The following MED12L variants were observed in gnomAD, a reference collection of about 807,000 sequenced individuals.
MED12L encodes mediator of RNA polymerase II transcription subunit 12-like protein.
A neutral mutation model predicts 281.3 loss-of-function variants in MED12L; 60 were observed. The ratio of observed to expected loss-of-function variants is 0.21; its 90% confidence interval spans 0.17 to 0.26. The LOEUF is 0.26. Ranked by LOEUF, MED12L falls within the 10% of genes least tolerant of loss-of-function variation. The pLI, the probability that MED12L is intolerant of heterozygous loss-of-function variation, is 1.00. For synonymous variants in MED12L, 974 were observed against 987.2 expected, an observed-to-expected ratio of 0.99 and a Z score of 0.25; for missense variants, 2,146 against 2,680.9, an observed-to-expected ratio of 0.80 and a Z score of 4.41.
chr3:151,342,673 A>G (rs1752018323), intron 16 of MED12L, among the ~76,000 whole-genome samples: 1 of 152,190 alleles, frequency 6.6e-6, no homozygotes, highest in South Asian at 2.1e-4. Flanking sequence ...GACACATAAT[A>G]ATCCCCAAAT....
At chr3:151,116,859 G>A (rs1054937076) in intron 3 of MED12L, among the ~76,000 whole-genome samples, 3 of 152,174 alleles carry the variant, frequency 2.0e-5, no homozygotes, top group Non-Finnish European at 4.4e-5. Context: ...ATGCCAGTTT[G>A]CCCTACTATT....
At chr3:151,322,968 C>G (rs1577329431) in intron 16 of MED12L, among the ~76,000 whole-genome samples, 1 of 152,160 alleles carries the variant, frequency 6.6e-6, no homozygotes, top group Admixed American at 6.5e-5. Flanking sequence ...GACCCTAGCT[C>G]TTTCACTGAT....
At chr3:151,138,398 T>C (rs928083594) in intron 5 of MED12L, among the ~76,000 whole-genome samples, 15 of 152,226 alleles carry the variant, frequency 9.9e-5, no homozygotes, top group African/African-American at 3.6e-4. Flanking sequence ...TCTCCCATTA[T>C]TAACATTTTG....
chr3:151,097,229 C>A (rs186754801), intron 2 of MED12L, among the ~76,000 whole-genome samples: 296 of 152,258 alleles, frequency 1.9e-3, no homozygotes, highest in Non-Finnish European at 2.4e-3. Flanking sequence ...TGCCCAGTTC[C>A]CGGAAGCGAT....
chr3:151,204,855 T>A lies in MED12L; in HGVS notation c.2250+11189T>A, dbSNP rs1226022380. On this transcript the variant is annotated intron_variant, in intron 16 of 44. Transcript: ENST00000687756. Reference sequence around the variant, plus strand: ...ATATGTTTACTTCCTCGGTTCACTTTAAGGTTGTAGACACAATTGAAAAGT... The same window carrying A: ...ATATGTTTACTTCCTCGGTTCACTTAAAGGTTGTAGACACAATTGAAAAGT... 3.3e-5 allele frequency among the ~76,000 whole-genome samples: 5 copies of A among 152,332 alleles called. No homozygotes were observed. The East Asian group carries it at 9.6e-4, about 29-fold the overall frequency.
At chr3:151,223,227 T>G (rs1729768452) in intron 16 of MED12L, among the ~76,000 whole-genome samples, 1 of 81,030 alleles carries the variant, frequency 1.2e-5, no homozygotes. Context: ...AAGAGAACAC[T>G]TATGTACTCT....
At chr3:151,162,752 TA>T (rs1720165089) in intron 8 of MED12L, among the ~76,000 whole-genome samples, 2 of 152,192 alleles carry the variant, frequency 1.3e-5, no homozygotes, top group African/African-American at 4.8e-5. Context: ...TTTTTGTACT[TA>T]ATTTCATATT....
At chr3:151,400,739 C>T (rs1222950442) in intron 39 of MED12L, among the ~76,000 whole-genome samples, 1 of 152,126 alleles carries the variant, frequency 6.6e-6, no homozygotes, top group African/African-American at 2.4e-5. Flanking sequence ...GATCTCCCAC[C>T]CTAAGGAAAT....
At chr3:151,424,186 G>GA (rs201000165) in intron 43 of MED12L, among the ~76,000 whole-genome samples, 180 of 152,312 alleles carry the variant, frequency 1.2e-3, no homozygotes, top group African/African-American at 4.0e-3. Flanking sequence ...CATGAATTTG[G>GA]AAATTTTTTT....
At chr3:151,086,341 G>C (rs1719180798) in intron 1 of MED12L, 1 of 152,858 alleles carries the variant, frequency 6.5e-6, no homozygotes, top group Non-Finnish European at 1.5e-5. Context: ...CGGGGTCTGC[G>C]GGGCGCGTGG....
chr3:151,368,344 T>A (rs1755541364), intron 25 of MED12L, 93 bp downstream of exon 25: 2 of 1,136,066 alleles, frequency 1.8e-6, no homozygotes, highest in Admixed American at 2.0e-5. Flanking sequence ...GTAATTGCCT[T>A]CTTAATTTTT....
rs1208302738 is a variant in MED12L, at chr3:151,335,277, C to T, written c.2251-14782C>T. Among the ~76,000 whole-genome samples, 3 of 152,288 alleles carry T rather than the reference C, an allele frequency of 2.0e-5. No homozygotes were observed. In the East Asian group the frequency reaches 5.8e-4, roughly 29 times the overall value. Reference sequence around the variant, plus strand: ...ATTTACCAGTACCTCTTTATCTCCTCCTTCCCCATGACTCTCTAGTAACTG... The same window carrying T: ...ATTTACCAGTACCTCTTTATCTCCTTCTTCCCCATGACTCTCTAGTAACTG... On this transcript the variant is annotated intron_variant, in intron 16 of 44. Transcript: ENST00000687756.
At chr3:151,294,612 T>A in intron 16 of MED12L, 1 of 1,614,202 alleles carries the variant, frequency 6.2e-7, no homozygotes, top group South Asian at 1.1e-5. Flanking sequence ...AACAAGCAGC[T>A]GTTCACATAG....
intron 29 of MED12L, 23 bp downstream of exon 29, chr3:151,376,897 T>C: frequency 5.0e-6 from 8 of 1,613,024 alleles, no homozygotes; most frequent in Non-Finnish European, 6.8e-6. Context: ...TGAAAGCTTA[T>C]CTCTGTATGA....
chr3:151,228,487 G>A (rs1195038070), intron 16 of MED12L, among the ~76,000 whole-genome samples: 5 of 152,064 alleles, frequency 3.3e-5, no homozygotes, highest in Non-Finnish European at 7.4e-5. Flanking sequence ...TTAAGTTGAC[G>A]CTCTTCTACA....
chr3:151,347,727 A>T (rs1055194824), intron 16 of MED12L, among the ~76,000 whole-genome samples: 3 of 152,176 alleles, frequency 2.0e-5, no homozygotes, highest in Non-Finnish European at 4.4e-5. Context: ...CATGTGAATT[A>T]ACAGTAGTGA....
At chr3:151,177,904 TTTG>T (rs1722252996) in intron 11 of MED12L, among the ~76,000 whole-genome samples, 1 of 151,944 alleles carries the variant, frequency 6.6e-6, no homozygotes, top group Admixed American at 6.6e-5. Context: ...GGGCCTATAG[TTTG>T]TTATTTTTTC....
chr3:151,193,807 T>A, intron 16 of MED12L, 141 bp downstream of exon 16: 3 of 678,004 alleles, frequency 4.4e-6, no homozygotes, highest in South Asian at 2.2e-5. Flanking sequence ...GCTTCTGTTC[T>A]AATTCTGATC....
At chr3:151,218,921 G>A (rs1038403584) in intron 16 of MED12L, among the ~76,000 whole-genome samples, 7 of 141,156 alleles carry the variant, frequency 5.0e-5, no homozygotes, top group Non-Finnish European at 1.1e-4. Flanking sequence ...CTGTAATAGT[G>A]TAAGTCTTGA....
Sources: allele counts gnomAD v4.1 joint callset (sites outside exome capture counted in the v4.1 genomes callset), GRCh38; gene constraint gnomAD v4.1.1; transcripts MANE v1.5; gene names NCBI Gene and HGNC (gene_info 2026-07-23, HGNC 2026-07-21).